IL4I1: variants seen among roughly 807,000 people sequenced by gnomAD.
IL4I1 encodes interleukin 4 induced 1, also known as L-amino-acid oxidase.
A neutral mutation model predicts 29.7 loss-of-function variants in IL4I1; 24 were observed. The observed-to-expected ratio is 0.81, with a 90% CI of 0.59 to 1.14. The LOEUF is 1.14. IL4I1 is among the 50% of genes most tolerant of loss of function. The pLI, the probability that IL4I1 is intolerant of heterozygous loss-of-function variation, is 0.00. For synonymous variants in IL4I1, 371 were observed against 352.5 expected, an observed-to-expected ratio of 1.05 and a Z score of -0.59; for missense variants, 686 against 785.6, an observed-to-expected ratio of 0.87 and a Z score of 1.52.
chr19:49,893,003 G>A (rs1194038447), intron 5 of IL4I1, among the ~76,000 whole-genome samples: 1 of 152,148 alleles, frequency 6.6e-6, no homozygotes, highest in Non-Finnish European at 1.5e-5. Flanking sequence ...TGGAAAGGGA[G>A]GGTGATACAC....
rs1232154102 is a variant in IL4I1 at position 49,921,819 on chromosome 19, C to A, written c.-228+5875G>T. 1.3e-5 allele frequency among the ~76,000 whole-genome samples: 2 copies of A among 152,210 alleles called. No homozygotes were observed. The highest frequency in any genetic ancestry group is 2.9e-5 in the Non-Finnish European group (2 of 68,026). ...GGCTGGGCTCAAGCCCGGGTACTTT[C>A]CTCCGTGCCCAAGCAACCCTGTAGG... is the stretch of plus-strand genomic sequence containing the variant. On this transcript the variant is annotated intron_variant, in intron 2 of 9. Transcript: ENST00000341114. The surrounding 1 kb of genome is among the most constrained non-coding windows in gnomAD (Gnocchi z 5.4).
intron 2 of IL4I1, among the ~76,000 whole-genome samples, chr19:49,922,123 T>C (rs552428018): frequency 6.6e-6 from 1 of 152,292 alleles, no homozygotes; most frequent in Non-Finnish European, 1.5e-5. Context: ...GTTTCTCAAC[T>C]AACCCCGGCG....
chr19:49,890,945 C>T lies in IL4I1; in HGVS notation c.773+26G>A, dbSNP rs113068493. The T allele has an allele frequency of 1.7e-4, 124 of 726,900 alleles. 3 individuals are homozygous for T. The highest frequency in any genetic ancestry group is 4.5e-4 in the Middle Eastern group (1 of 2,244). 45.0% of individuals were successfully genotyped at this position (726,900 alleles called of 1,614,324 possible). A position where few individuals can be genotyped will look rare whatever the true frequency, so the allele number is the denominator to read the frequency against. ...TCCCTGATTGCCCCCCGCCCCCCCC[C>T]CCTGCCCGCCAGCCCCGCCCCTTAC... On this transcript the variant is annotated intron_variant, in intron 7 of 7. Coordinates refer to ENST00000391826, the MANE Select transcript of IL4I1 (RefSeq NM_152899.2).
At chr19:49,891,153 C>G in intron 6 of IL4I1, 46 bp from the exon 7 acceptor site, 3 of 1,594,242 alleles carry the variant, frequency 1.9e-6, no homozygotes, top group Non-Finnish European at 2.6e-6. Context: ...GCAGGCTGCA[C>G]CCCTGAGAGA....
chr19:49,908,959 G>C lies in IL4I1; in HGVS notation c.-227-4638C>G, dbSNP rs756025011. ...AGGCAAAGCCGGTGGTGCTGCTGCT[G>C]CTGGTGGTGGTGGCGGTGGCGGTGG... On this transcript the variant is annotated intron_variant, in intron 2 of 9. Coordinates refer to the IL4I1 transcript ENST00000341114. 1.9e-6 allele frequency: 3 copies of C among 1,596,358 alleles called. No homozygotes were observed. In the East Asian group the frequency reaches 6.8e-5, roughly 36 times the overall value.
Position 49,896,864 on chromosome 19 carries a change from C to A in IL4I1, c.-52G>T, listed in dbSNP as rs556268352. The A allele has an allele frequency of 5.1e-6, 5 of 985,676 alleles. No homozygotes were observed. The African/African-American group carries it at 8.7e-5, about 17-fold the overall frequency. 61.1% of individuals were successfully genotyped at this position (985,676 alleles called of 1,614,324 possible). A position where few individuals can be genotyped will look rare whatever the true frequency, so the allele number is the denominator to read the frequency against. The stretch of plus-strand genomic sequence containing the variant: ...AGCTCTTGGTGACAGCAGGACAGCG[C>A]GGTCCTCTCCACTGCCCTCCACTGT... On this transcript the variant is annotated 5_prime_UTR_variant, in exon 1 of 8. Coordinates refer to ENST00000391826, the MANE Select transcript of IL4I1 (RefSeq NM_152899.2).
Position 49,890,218 on chromosome 19 carries a change from G to T in IL4I1, c.1156C>A (p.Pro386Thr). 6.4e-7 allele frequency: 1 copy of T among 1,552,242 alleles called. No homozygotes were observed. The highest frequency in any genetic ancestry group is 1.2e-5 in the South Asian group (1 of 85,010). Residue 386 changes from proline (P) to threonine (T), a missense_variant, in exon 8 of 8, where the codon CCG becomes ACG. Pro to Thr is a conservative substitution (Grantham distance 38). Transcript: ENST00000391826. ...TDRPSRMIFYPPPREGALLLA... is the reference protein window; with the variant it reads ...TDRPSRMIFYTPPREGALLLA... The stretch of plus-strand genomic sequence containing the variant: ...AGCAGCGCGCCCTCGCGCGGCGGCG[G>T]GTAGAAAATCATGCGCGACGGGCGA...
At chr19:49,907,533 GTTTCTT>G (rs969005914) in intron 2 of IL4I1, 19 of 404,634 alleles carry the variant, frequency 4.7e-5, no homozygotes, top group East Asian at 1.5e-4. Flanking sequence ...TCTCCTGGGA[GTTTCTT>G]TTTTTTTTTT....
chr19:49,891,523 T>A (rs1273729181), intron 5 of IL4I1, 50 bp from the exon 6 acceptor site: 6 of 1,534,912 alleles, frequency 3.9e-6, no homozygotes, highest in Non-Finnish European at 5.4e-6. Context: ...GCAGCCAGGG[T>A]GGAGGCCGGG....
chr19:49,899,386 T>G (rs567642226), upstream of IL4I1, among the ~76,000 whole-genome samples: 378 of 152,124 alleles, frequency 2.5e-3, 2 homozygotes, highest in African/African-American at 8.2e-3. Flanking sequence ...TCTGGGTGGT[T>G]GTTGTTGTTG....
chr19:49,909,635 C>T (rs2075411565), intron 2 of IL4I1: 1 of 1,614,116 alleles, frequency 6.2e-7, no homozygotes, highest in African/African-American at 1.3e-5. Context: ...TGAGAACAGG[C>T]CGGTGGAAGG....
At position 49,896,868 on chromosome 19, in the gene IL4I1, C is replaced by T. The variant is rs1157780167; in HGVS notation, c.-56G>A. On this transcript the variant is annotated 5_prime_UTR_variant, in exon 1 of 8. Transcript: ENST00000391826. ...CTTGGTGACAGCAGGACAGCGCGGT[C>T]CTCTCCACTGCCCTCCACTGTCTCT... The T allele has an allele frequency of 4.1e-6, 4 of 985,664 alleles. No homozygotes were observed. The African/African-American group carries it at 5.2e-5, about 13-fold the overall frequency. 61.1% of individuals were successfully genotyped at this position (985,664 alleles called of 1,614,324 possible).
intron 3 of IL4I1, among the ~76,000 whole-genome samples, chr19:49,902,236 G>A (rs2075277732): frequency 6.6e-6 from 1 of 152,164 alleles, no homozygotes; most frequent in African/African-American, 2.4e-5. Flanking sequence ...CTGACTTCGG[G>A]TGATCCCTCC....
chr19:49,916,069 C>T (rs2075615288), intron 2 of IL4I1, among the ~76,000 whole-genome samples: 1 of 152,222 alleles, frequency 6.6e-6, no homozygotes, highest in Admixed American at 6.5e-5. Context: ...CAGAGCACTG[C>T]ACTGCAGCAC....
rs192978399 is a variant in IL4I1, at chr19:49,914,061, G to A, written c.-227-9740C>T. 5.2e-3 allele frequency among the ~76,000 whole-genome samples: 797 copies of A among 152,246 alleles called. 18 individuals are homozygous for A. The highest frequency in any genetic ancestry group is 0.047 in the Admixed American group (715 of 15,286). The stretch of plus-strand genomic sequence containing the variant: ...ACCACAGGGTCTGTCCAGGTTAACA[G>A]TGACAGGCCAGGCATGATGGCTCAC... On this transcript the variant is annotated intron_variant, in intron 2 of 9. Coordinates refer to the IL4I1 transcript ENST00000341114.
In IL4I1 at chr19:49,889,699, T is replaced by G. The variant is rs2075101984; in HGVS notation, c.1675A>C (p.Asn559His). 6.6e-7 allele frequency: 1 copy of G among 1,508,078 alleles called. No homozygotes were observed. 93.4% of individuals were successfully genotyped at this position (1,508,078 alleles called of 1,614,324 possible). ...PPVQGQLSLQNTTHTRTSH is the reference protein window; with the variant it reads ...PPVQGQLSLQHTTHTRTSH Reference sequence around the variant, plus strand: ...TGCGAGGTCCTCGTGTGGGTCGTGTTTTGGAGAGATAACTGGCCTTGGACT... The same window carrying G: ...TGCGAGGTCCTCGTGTGGGTCGTGTGTTGGAGAGATAACTGGCCTTGGACT... Residue 559 changes from asparagine to histidine, a missense_variant, in exon 8 of 8, where the codon AAC (asparagine) becomes CAC (histidine). Transcript: ENST00000391826.
In IL4I1 at chr19:49,894,610, T is replaced by C. The variant is rs2075182026; in HGVS notation, c.366-141A>G. On this transcript the variant is annotated intron_variant, in intron 4 of 7. Coordinates refer to ENST00000391826, the MANE Select transcript of IL4I1 (RefSeq NM_152899.2). ...GGGGGTGGGGCTAGATTTGGGGTAA[T>C]CAATGCTGGGGGATGGGAATGAAAT... is the stretch of plus-strand genomic sequence containing the variant. 7.6e-6 allele frequency: 5 copies of C among 655,906 alleles called. No individual in the cohort carries two copies. The Admixed American group carries it at 1.1e-4, about 14-fold the overall frequency. The allele number at this position is 655,906 out of a possible 1,614,324, so 40.6% of individuals were successfully genotyped here.
Position 49,890,602 on chromosome 19 carries a change from T to G in IL4I1, c.774-2A>C, listed in dbSNP as rs2075120923. ...CAGCCACCCACGATGCGGCTGTACC[T>G]GCAGGCGGGGCGGGGCGGGGTGGGG... On this transcript the variant is annotated splice_acceptor_variant, in intron 7 of 7. Coordinates refer to ENST00000391826, the MANE Select transcript of IL4I1 (RefSeq NM_152899.2). LOFTEE classifies it high-confidence loss of function. 1 of 1,529,804 alleles carries G rather than the reference T, an allele frequency of 6.5e-7. No individual in the cohort carries two copies. Among genetic ancestry groups the G allele is most frequent in the African/African-American group, 1.4e-5 (1 of 73,444 alleles). 94.8% of individuals were successfully genotyped at this position (1,529,804 alleles called of 1,614,324 possible).
chr19:49,923,878 T>A (rs890075197), intron 2 of IL4I1, among the ~76,000 whole-genome samples: 1 of 152,140 alleles, frequency 6.6e-6, no homozygotes, highest in African/African-American at 2.4e-5. Context: ...CAGCCGAGGC[T>A]CGGCAGATGA....
Sources: gnomAD v4.1 joint callset for allele counts (sites outside exome capture counted in the v4.1 genomes callset) on GRCh38, gnomAD v4.1.1 for gene constraint, Gnocchi (gnomAD v3.1) non-coding constraint, MANE v1.5 for transcripts, NCBI Gene and HGNC (gene_info 2026-07-23, HGNC 2026-07-21) for gene names.